HAPSTR1: variants seen among roughly 807,000 people sequenced by gnomAD.
HAPSTR1 encodes HUWE1-associated protein modifying stress responses 1.
chr16:9,109,327 A>G, the HAPSTR1 span: 1 of 152,072 alleles, frequency 6.6e-6, no homozygotes, highest in Non-Finnish European at 1.5e-5. Flanking sequence ...GTCCCGAGTG[A>G]GAAGATGGCA....
chr16:9,103,140 G>A, the HAPSTR1 span: 2 of 1,614,110 alleles, frequency 1.2e-6, no homozygotes, highest in African/African-American at 1.3e-5. Context: ...CCTCCACCAC[G>A]AAACTCTAGA....
At chr16:9,091,664 C>A in the HAPSTR1 span, 22 of 398,210 alleles carry the variant, frequency 5.5e-5, no homozygotes, top group African/African-American at 4.3e-4. Flanking sequence ...GGGGTGGGCT[C>A]CGCGGTGCAG....
At chr16:9,116,151 C>T in the HAPSTR1 span, among the ~76,000 whole-genome samples, 1 of 152,134 alleles carries the variant, frequency 6.6e-6, no homozygotes, top group Non-Finnish European at 1.5e-5. Context: ...CAACAGTAAT[C>T]TGTTTTGGAT....
the HAPSTR1 span, among the ~76,000 whole-genome samples, chr16:9,093,888 T>C: frequency 7.5e-4 from 114 of 152,240 alleles, no homozygotes; most frequent in African/African-American, 2.4e-3. Flanking sequence ...TTTGACTTTG[T>C]TAATCTTAAG....
chr16:9,106,617 G>A, the HAPSTR1 span: 3 of 152,092 alleles, frequency 2.0e-5, no homozygotes, highest in East Asian at 5.9e-4. Context: ...ACTTCAATTA[G>A]TGGTTAGCAA....
the HAPSTR1 span, among the ~76,000 whole-genome samples, chr16:9,102,266 A>G: frequency 3.3e-5 from 5 of 151,106 alleles, no homozygotes; most frequent in Non-Finnish European, 4.4e-5. Flanking sequence ...CAGCAGCTCA[A>G]TTAAAACTAA....
chr16:9,098,187 C>G, the HAPSTR1 span, among the ~76,000 whole-genome samples: 3 of 152,150 alleles, frequency 2.0e-5, no homozygotes, highest in Non-Finnish European at 4.4e-5. Context: ...AAAAGATTAA[C>G]TGGGCATTGT....
the HAPSTR1 span, among the ~76,000 whole-genome samples, chr16:9,097,161 A>G: frequency 2.0e-5 from 3 of 150,776 alleles, no homozygotes; most frequent in Non-Finnish European, 4.4e-5. Context: ...GCTGGTCTTG[A>G]ACTCCTGACC....
the HAPSTR1 span, chr16:9,092,149 C>A: frequency 1.3e-6 from 2 of 1,560,656 alleles, no homozygotes; most frequent in African/African-American, 1.4e-5. Flanking sequence ...CCGAACAGGA[C>A]GAGCAGCTGC....
chr16:9,093,343 A>G, the HAPSTR1 span, among the ~76,000 whole-genome samples: 24 of 152,138 alleles, frequency 1.6e-4, no homozygotes, highest in South Asian at 6.2e-4. Flanking sequence ...TCATGCCCCT[A>G]AAGTCAGTAG....
At chr16:9,092,430 T>C in the HAPSTR1 span, among the ~76,000 whole-genome samples, 1 of 151,330 alleles carries the variant, frequency 6.6e-6, no homozygotes, top group Non-Finnish European at 1.5e-5. Context: ...CCCCGCAAGA[T>C]GGCGCCGCGG....
At chr16:9,092,312 C>G in the HAPSTR1 span, 18 of 1,433,540 alleles carry the variant, frequency 1.3e-5, no homozygotes, top group Non-Finnish European at 1.6e-5. Flanking sequence ...TGGCCGCCCC[C>G]GCCCGGGCCC....
the HAPSTR1 span, chr16:9,103,156 C>T: frequency 1.9e-6 from 3 of 1,614,146 alleles, no homozygotes; most frequent in South Asian, 1.1e-5. Context: ...CTAGAGCTCC[C>T]CCAAGACTGA....
At chr16:9,100,551 TGAGA>T in the HAPSTR1 span, among the ~76,000 whole-genome samples, 4 of 152,156 alleles carry the variant, frequency 2.6e-5, no homozygotes, top group Non-Finnish European at 5.9e-5. Flanking sequence ...CTTTTTTTTT[TGAGA>T]GAGAGTCTTA....
At chr16:9,102,736 A>T in the HAPSTR1 span, among the ~76,000 whole-genome samples, 1 of 152,050 alleles carries the variant, frequency 6.6e-6, no homozygotes, top group Non-Finnish European at 1.5e-5. Flanking sequence ...TGTTTCTGTT[A>T]AATTTTTTTT....
chr16:9,101,276 T>C, the HAPSTR1 span, among the ~76,000 whole-genome samples: 3 of 152,364 alleles, frequency 2.0e-5, no homozygotes, highest in Middle Eastern at 3.4e-3. Context: ...TCTACTGTTA[T>C]TTACATTCAA....
At chr16:9,099,638 G>C in the HAPSTR1 span, among the ~76,000 whole-genome samples, 10 of 152,188 alleles carry the variant, frequency 6.6e-5, no homozygotes, top group Non-Finnish European at 4.4e-5. Flanking sequence ...AGTGTTGGAC[G>C]CAAGACTGGC....
the HAPSTR1 span, among the ~76,000 whole-genome samples, chr16:9,102,089 G>A: frequency 2.0e-5 from 3 of 152,232 alleles, no homozygotes; most frequent in Admixed American, 6.5e-5. Flanking sequence ...TACAGCCTGG[G>A]CAACAGAGAG....
At chr16:9,097,035 GT>G in the HAPSTR1 span, among the ~76,000 whole-genome samples, 50 of 151,886 alleles carry the variant, frequency 3.3e-4, no homozygotes, top group African/African-American at 1.2e-3. Context: ...CGCCTCCCTG[GT>G]TCAAGCGATT....
Sources: allele counts gnomAD v4.1 joint callset (sites outside exome capture counted in the v4.1 genomes callset), GRCh38; gene constraint gnomAD v4.1.1; transcripts MANE v1.5; gene names NCBI Gene and HGNC (gene_info 2026-07-23, HGNC 2026-07-21).